The following NLGN1 variants were observed in gnomAD, a reference collection of about 807,000 sequenced individuals.
NLGN1 encodes neuroligin 1.
In NLGN1, 12 loss-of-function variants were observed where a neutral mutation model predicts 65.5. That is an observed-to-expected ratio of 0.18 (90% CI 0.12 to 0.30). The LOEUF (loss-of-function observed/expected upper bound fraction) is 0.30. NLGN1 is among the 10% of genes least tolerant of loss of function. NLGN1 has a pLI of 1.00. For missense variants in NLGN1, 750 were observed against 1,007.1 expected, an observed-to-expected ratio of 0.74 and a Z score of 3.46; for synonymous variants, 350 against 359.5, an observed-to-expected ratio of 0.97 and a Z score of 0.30.
chr3:173,753,272 A>G (rs1776574114), intron 3 of NLGN1, among the ~76,000 whole-genome samples: 2 of 152,142 alleles, frequency 1.3e-5, no homozygotes, highest in Non-Finnish European at 1.5e-5. Context: ...ATATTTCACT[A>G]TCTATTCTCC....
At chr3:173,551,255 T>TAGAA (rs5854511) in intron 2 of NLGN1, among the ~76,000 whole-genome samples, 85,674 of 151,614 alleles carry the variant, frequency 0.57, 24,134 homozygotes, top group East Asian at 0.8. Flanking sequence ...CAAGCAAAAA[T>TAGAA]AGAGTTGAAA....
intron 3 of NLGN1, among the ~76,000 whole-genome samples, chr3:173,709,599 C>T (rs138772083): frequency 2.6e-4 from 39 of 151,654 alleles, no homozygotes; most frequent in African/African-American, 8.5e-4. Context: ...GTCAGGAGTT[C>T]GAGACCAGCC....
Position 174,280,267 on chromosome 3 carries a change from G to T in NLGN1, c.1650-214G>T, listed in dbSNP as rs762347131. Among the ~76,000 whole-genome samples the T allele has an allele frequency of 3.9e-5, 6 of 151,920 alleles. No individual in the cohort carries two copies. Among genetic ancestry groups the T allele is most frequent in the Non-Finnish European group, 5.9e-5 (4 of 67,926 alleles). On this transcript the variant is annotated intron_variant, in intron 6 of 6. Coordinates refer to ENST00000457714, the Ensembl canonical transcript of NLGN1. The surrounding 1 kb of genome is among the most constrained non-coding windows in gnomAD (Gnocchi z 4.9). ...CAGCCCATCTCAGGATAAGCAGAGA[G>T]AACAAGAATGTGAGACTTACTTGCC...
chr3:174,275,678 A>G (rs944375277), intron 5 of NLGN1, 151 bp downstream of exon 5: 4 of 615,814 alleles, frequency 6.5e-6, no homozygotes, highest in East Asian at 5.5e-5. Context: ...TTTTCTGTGC[A>G]TGTTTAAATT....
intron 4 of NLGN1, among the ~76,000 whole-genome samples, chr3:174,008,349 TC>T (rs986131035): frequency 5.0e-5 from 4 of 80,266 alleles, no homozygotes; most frequent in African/African-American, 1.5e-4. Context: ...ATCCAACCCG[TC>T]CCCCCCACCC....
chr3:173,530,330 T>C (rs747949448), intron 2 of NLGN1, among the ~76,000 whole-genome samples: 23 of 152,188 alleles, frequency 1.5e-4, no homozygotes, highest in Non-Finnish European at 2.9e-4. Context: ...GTAGGTATTA[T>C]GATCCCCATT....
At chr3:173,543,449 G>C (rs1009460034) in intron 2 of NLGN1, among the ~76,000 whole-genome samples, 1 of 152,082 alleles carries the variant, frequency 6.6e-6, no homozygotes, top group Non-Finnish European at 1.5e-5. Flanking sequence ...AACTCCTGAT[G>C]TATACTTATG....
chr3:173,896,315 T>A (rs1420485466), intron 4 of NLGN1, among the ~76,000 whole-genome samples: 1 of 152,186 alleles, frequency 6.6e-6, no homozygotes, highest in Non-Finnish European at 1.5e-5. Flanking sequence ...TAGGACCAAA[T>A]AATTACCGTC....
downstream of NLGN1, among the ~76,000 whole-genome samples, chr3:174,287,562 C>CA (rs1382039684): frequency 1.3e-5 from 2 of 151,208 alleles, no homozygotes; most frequent in Non-Finnish European, 3.0e-5. Context: ...TTTCTGAGTT[C>CA]AAAAAAAGTT....
intron 3 of NLGN1, among the ~76,000 whole-genome samples, chr3:173,797,261 CT>C (rs1301711315): frequency 6.6e-6 from 1 of 152,092 alleles, no homozygotes; most frequent in Non-Finnish European, 1.5e-5. Context: ...TGTGTTCTTT[CT>C]TCTTATAATC....
chr3:174,116,395 T>C (rs1220790185), intron 4 of NLGN1, among the ~76,000 whole-genome samples: 1 of 141,806 alleles, frequency 7.1e-6, no homozygotes, highest in Non-Finnish European at 1.5e-5. Flanking sequence ...TGTAATGCAC[T>C]GGCATGATTT....
At chr3:173,522,321 T>C (rs1191175970) in intron 2 of NLGN1, among the ~76,000 whole-genome samples, 2 of 152,356 alleles carry the variant, frequency 1.3e-5, no homozygotes, top group East Asian at 1.9e-4. Context: ...TTCCATGGTG[T>C]ATCCATACCA....
At chr3:173,738,042 T>C (rs1401722634) in intron 3 of NLGN1, among the ~76,000 whole-genome samples, 1 of 152,114 alleles carries the variant, frequency 6.6e-6, no homozygotes, top group East Asian at 1.9e-4. Flanking sequence ...TGGCCATTTC[T>C]ATATCTTCTT....
intron 4 of NLGN1, among the ~76,000 whole-genome samples, chr3:173,851,568 A>G (rs968309165): frequency 6.6e-6 from 1 of 152,216 alleles, no homozygotes; most frequent in Non-Finnish European, 1.5e-5. Context: ...CAACTAAGAC[A>G]GTTGAAACTA....
intron 1 of NLGN1, among the ~76,000 whole-genome samples, chr3:173,423,801 G>T (rs890063294): frequency 6.6e-6 from 1 of 152,154 alleles, no homozygotes; most frequent in African/African-American, 2.4e-5. Flanking sequence ...CTCCCTTTCT[G>T]GGGTCTAGAG....
intron 3 of NLGN1, among the ~76,000 whole-genome samples, chr3:173,757,360 TA>T (rs145821389): frequency 0.064 from 9,694 of 151,920 alleles, 406 homozygotes; most frequent in Non-Finnish European, 0.099. Context: ...AATATTCTTG[TA>T]AAAAAAATTA....
chr3:174,213,102 ACT>A (rs1479997396), intron 4 of NLGN1, among the ~76,000 whole-genome samples: 6 of 152,090 alleles, frequency 3.9e-5, no homozygotes, highest in African/African-American at 1.4e-4. Context: ...ATATTCACAA[ACT>A]CTGAGGATTA....
chr3:173,743,562 G>A (rs543206516), intron 3 of NLGN1, among the ~76,000 whole-genome samples: 44 of 152,102 alleles, frequency 2.9e-4, no homozygotes, highest in Non-Finnish European at 5.3e-4. Flanking sequence ...AGAAAAACAG[G>A]ACATTTTCTT....
At chr3:173,702,109 G>A (rs1294974373) in intron 3 of NLGN1, among the ~76,000 whole-genome samples, 1 of 149,540 alleles carries the variant, frequency 6.7e-6, no homozygotes, top group Non-Finnish European at 1.5e-5. Context: ...CGTAGTGGCG[G>A]GCGCCTGTAG....
Sources: gnomAD v4.1 joint callset for allele counts (sites outside exome capture counted in the v4.1 genomes callset) on GRCh38, gnomAD v4.1.1 for gene constraint, Gnocchi (gnomAD v3.1) non-coding constraint, MANE v1.5 for transcripts, NCBI Gene and HGNC (gene_info 2026-07-23, HGNC 2026-07-21) for gene names.